SLC25A26: variants seen among roughly 807,000 people sequenced by gnomAD.
SLC25A26 encodes the protein mitochondrial S-adenosylmethionine carrier protein.
Under a neutral mutation model 37.8 loss-of-function variants are expected in SLC25A26, and 36 were observed. That is an observed-to-expected ratio of 0.95 (90% confidence interval 0.73 to 1.26). The LOEUF is 1.26. SLC25A26 is among the 50% of genes most tolerant of loss of function. The pLI is 0.00. For synonymous variants in SLC25A26, 129 were observed against 122.5 expected, an observed-to-expected ratio of 1.05 and a Z score of -0.35; for missense variants, 390 against 331.1, an observed-to-expected ratio of 1.18 and a Z score of -1.38.
intron 7 of SLC25A26, among the ~76,000 whole-genome samples, chr3:66,366,990 G>T (rs566886972): frequency 1.3e-4 from 20 of 152,326 alleles, no homozygotes; most frequent in Non-Finnish European, 2.1e-4. Flanking sequence ...AAGCACTGCA[G>T]ATATTAGCTC....
At chr3:66,191,469 C>A (rs2070940777) in intron 1 of SLC25A26, among the ~76,000 whole-genome samples, 1 of 152,170 alleles carries the variant, frequency 6.6e-6, no homozygotes, top group Non-Finnish European at 1.5e-5. Flanking sequence ...TCAAAAATAT[C>A]TCCTTATTGT....
At chr3:66,312,224 T>C (rs966499622) in intron 5 of SLC25A26, among the ~76,000 whole-genome samples, 21 of 152,210 alleles carry the variant, frequency 1.4e-4, no homozygotes, top group Non-Finnish European at 2.6e-4. Context: ...GTCTGGCTAC[T>C]GTGGCTTTGC....
rs184129688 is a variant in SLC25A26 at position 66,303,931 on chromosome 3, G to A, written c.453+40552G>A. On this transcript the variant is annotated intron_variant, in intron 5 of 9. Coordinates refer to ENST00000354883, the MANE Select transcript of SLC25A26 (RefSeq NM_001379210.1). ...TCCTGTTTCTTGTTAGCGATTGGAT[G>A]GTGACCACACTTTACTTCCAGAGGC... is the stretch of plus-strand genomic sequence containing the variant. Among the ~76,000 whole-genome samples, 47 of 152,322 alleles carry A rather than the reference G, an allele frequency of 3.1e-4. 1 individual carries two copies. In the East Asian group the frequency reaches 4.8e-3, roughly 16 times the overall value.
intron 5 of SLC25A26, among the ~76,000 whole-genome samples, chr3:66,337,900 C>A (rs762768285): frequency 6.6e-6 from 1 of 151,934 alleles, no homozygotes; most frequent in African/African-American, 2.4e-5. Context: ...TTTTACAGTA[C>A]ATTTTTAGGT....
At chr3:66,154,098 T>C (rs1425630027) in intron 1 of SLC25A26, among the ~76,000 whole-genome samples, 1 of 152,170 alleles carries the variant, frequency 6.6e-6, no homozygotes, top group East Asian at 1.9e-4. Flanking sequence ...ATCGTTTCAC[T>C]GCAGTGCCTG....
intron 5 of SLC25A26, among the ~76,000 whole-genome samples, chr3:66,295,232 T>G: frequency 6.7e-6 from 1 of 148,272 alleles, no homozygotes; most frequent in East Asian, 1.9e-4. Context: ...TTTGCTTGTG[T>G]GTTTTTTTTG....
At chr3:66,319,646 G>A (rs1426227950) in intron 5 of SLC25A26, among the ~76,000 whole-genome samples, 4 of 150,350 alleles carry the variant, frequency 2.7e-5, no homozygotes, top group East Asian at 1.9e-4. Flanking sequence ...TTCTTTGTGA[G>A]CATGTAAATA....
At chr3:66,205,857 AG>A (rs2071169759) in intron 1 of SLC25A26, among the ~76,000 whole-genome samples, 1 of 152,194 alleles carries the variant, frequency 6.6e-6, no homozygotes, top group South Asian at 2.1e-4. Context: ...ATGGACCCTG[AG>A]AGAAGGACTT....
At chr3:66,190,300 G>A (rs2106787287) in intron 1 of SLC25A26, among the ~76,000 whole-genome samples, 2 of 138,658 alleles carry the variant, frequency 1.4e-5, no homozygotes, top group South Asian at 5.2e-4. Context: ...GGACAACAGA[G>A]TGAAACCCTG....
At chr3:66,332,352 T>G (rs894918603) in intron 5 of SLC25A26, among the ~76,000 whole-genome samples, 12 of 152,238 alleles carry the variant, frequency 7.9e-5, no homozygotes, top group African/African-American at 2.9e-4. Flanking sequence ...CAGATAATAC[T>G]TTGCCGTACA....
chr3:66,151,584 C>T (rs2070209601), intron 1 of SLC25A26, among the ~76,000 whole-genome samples: 1 of 152,188 alleles, frequency 6.6e-6, no homozygotes, highest in Non-Finnish European at 1.5e-5. Flanking sequence ...CTCTCTGCAC[C>T]CCATGCTCTC....
intron 3 of SLC25A26, among the ~76,000 whole-genome samples, chr3:66,250,516 G>A (rs2073040127): frequency 6.6e-6 from 1 of 152,234 alleles, no homozygotes; most frequent in South Asian, 2.1e-4. Context: ...TAGGTGATAA[G>A]ATGCTCTCTG....
At chr3:66,175,107 G>GCATATATA (rs2070559127) in intron 1 of SLC25A26, among the ~76,000 whole-genome samples, 1 of 80,554 alleles carries the variant, frequency 1.2e-5, no homozygotes, top group Non-Finnish European at 2.5e-5. Flanking sequence ...ATATGTGTGT[G>GCATATATA]TGTATATATA....
intron 5 of SLC25A26, among the ~76,000 whole-genome samples, chr3:66,308,525 C>G (rs1295153070): frequency 6.6e-6 from 1 of 152,218 alleles, no homozygotes; most frequent in Non-Finnish European, 1.5e-5. Context: ...CTGGCCATAA[C>G]TTCCAGTACT....
At chr3:66,140,674 A>G (rs1457751063) in intron 1 of SLC25A26, among the ~76,000 whole-genome samples, 1 of 152,178 alleles carries the variant, frequency 6.6e-6, no homozygotes, top group African/African-American at 2.4e-5. Context: ...AAGTAAAACT[A>G]CCTTATCGGC....
intron 1 of SLC25A26, among the ~76,000 whole-genome samples, chr3:66,230,804 TCAAAAAAAAAAAAAA>T (rs1471657644): frequency 0.1 from 1,567 of 15,620 alleles, 35 homozygotes; most frequent in African/African-American, 0.2. Flanking sequence ...AAACTCTGTC[TCAAAAAAAAAAAAAA>T]CAAAAAAAAA....
chr3:66,198,457 G>C (rs1391592529), intron 1 of SLC25A26, among the ~76,000 whole-genome samples: 1 of 151,872 alleles, frequency 6.6e-6, no homozygotes, highest in Non-Finnish European at 1.5e-5. Flanking sequence ...CCCTCACTAG[G>C]ACCTTGCCTT....
At chr3:66,288,479 C>G (rs1423967101) in intron 5 of SLC25A26, among the ~76,000 whole-genome samples, 1 of 152,074 alleles carries the variant, frequency 6.6e-6, no homozygotes, top group Non-Finnish European at 1.5e-5. Flanking sequence ...CTGTAGCCAT[C>G]CCCTACCCCT....
At chr3:66,178,507 T>C (rs1022794137) in intron 1 of SLC25A26, among the ~76,000 whole-genome samples, 5 of 152,168 alleles carry the variant, frequency 3.3e-5, no homozygotes, top group African/African-American at 1.2e-4. Flanking sequence ...GTTTCAGTAA[T>C]GTACATTTAT....
Sources: gnomAD v4.1 joint callset for allele counts (sites outside exome capture counted in the v4.1 genomes callset) on GRCh38, gnomAD v4.1.1 for gene constraint, MANE v1.5 for transcripts, NCBI Gene and HGNC (gene_info 2026-07-23, HGNC 2026-07-21) for gene names.